The following PLCE1 variants were observed in gnomAD, a reference collection of about 807,000 sequenced individuals.
PLCE1 encodes the protein phospholipase C epsilon 1.
In PLCE1, 119 loss-of-function variants were observed where a neutral mutation model predicts 242.8. The observed-to-expected ratio is 0.49, with a 90% confidence interval of 0.42 to 0.57. The LOEUF is 0.57. PLCE1 is among the 20% of genes least tolerant of loss of function. The pLI, the probability that PLCE1 is intolerant of heterozygous loss-of-function variation, is 0.00. For missense variants in PLCE1, 2,441 were observed against 2,788.8 expected (o/e 0.88, Z 2.81); for synonymous variants, 945 against 1,017.4 (o/e 0.93, Z 1.35).
At chr10:94,310,357 T>A (rs914828099) in intron 27 of PLCE1, among the ~76,000 whole-genome samples, 5 of 152,122 alleles carry the variant, frequency 3.3e-5, no homozygotes, top group African/African-American at 1.2e-4. Flanking sequence ...CCTTCATCAC[T>A]CCACAGCAAC....
At position 94,143,964 on chromosome 10, in the gene PLCE1, T is replaced by A. The variant is rs1223633; in HGVS notation, c.1492+11505T>A. Among the ~76,000 whole-genome samples, 4 of 152,242 alleles carry A rather than the reference T, an allele frequency of 2.6e-5. No individual in the cohort carries two copies. The East Asian group carries it at 7.7e-4, about 29-fold the overall frequency. ...AAACACCCTGTGTGACAGTAGCGGG[T>A]ATTTTGCCCCTGTTTATACTCAGAG... is the stretch of plus-strand genomic sequence containing the variant. On this transcript the variant is annotated intron_variant, in intron 3 of 32. Coordinates refer to ENST00000371380, the MANE Select transcript of PLCE1 (RefSeq NM_016341.4).
intron 2 of PLCE1, among the ~76,000 whole-genome samples, chr10:94,076,517 G>A (rs2044506912): frequency 6.6e-6 from 1 of 152,098 alleles, no homozygotes; most frequent in Non-Finnish European, 1.5e-5. Flanking sequence ...GCTGTGCATG[G>A]TTGTCTTTTT....
At chr10:94,007,216 C>CT (rs750214620) in intron 1 of PLCE1, among the ~76,000 whole-genome samples, 1 of 151,568 alleles carries the variant, frequency 6.6e-6, no homozygotes, top group Non-Finnish European at 1.5e-5. Context: ...TGTGTTGGCT[C>CT]TACTGAAGAG....
chr10:94,059,623 G>A (rs2043994373), intron 2 of PLCE1, among the ~76,000 whole-genome samples: 2 of 152,188 alleles, frequency 1.3e-5, no homozygotes, highest in South Asian at 2.1e-4. Context: ...AAGCACATGG[G>A]AAGTGGGACT....
intron 2 of PLCE1, among the ~76,000 whole-genome samples, chr10:94,044,775 G>C (rs1055211574): frequency 5.9e-5 from 9 of 152,136 alleles, no homozygotes; most frequent in Non-Finnish European, 1.0e-4. Flanking sequence ...GAAGCACATG[G>C]AACAGAAGCA....
chr10:94,253,547 G>T (rs917273369), intron 9 of PLCE1, among the ~76,000 whole-genome samples: 5 of 152,022 alleles, frequency 3.3e-5, no homozygotes, highest in Middle Eastern at 3.2e-3. Flanking sequence ...TAGAGACAGG[G>T]TCTCACTATG....
intron 13 of PLCE1, among the ~76,000 whole-genome samples, chr10:94,261,787 T>A (rs768270109): frequency 6.6e-6 from 1 of 152,120 alleles, no homozygotes; most frequent in Non-Finnish European, 1.5e-5. Context: ...AAATTTATAT[T>A]CACATAAAAA....
At chr10:94,184,734 C>G (rs978165337) in intron 4 of PLCE1, among the ~76,000 whole-genome samples, 1 of 152,196 alleles carries the variant, frequency 6.6e-6, no homozygotes, top group African/African-American at 2.4e-5. Context: ...CTGTACATAG[C>G]CTCTGCAGTT....
chr10:94,322,716 C>G (rs1564897334), intron 30 of PLCE1, among the ~76,000 whole-genome samples: 1 of 151,774 alleles, frequency 6.6e-6, no homozygotes, highest in Non-Finnish European at 1.5e-5. Flanking sequence ...ACCCGGGAGG[C>G]AGAGGTTGCA....
At chr10:94,275,761 G>A (rs1254568684) in intron 19 of PLCE1, among the ~76,000 whole-genome samples, 1 of 152,070 alleles carries the variant, frequency 6.6e-6, no homozygotes, top group Non-Finnish European at 1.5e-5. Context: ...ACCTGAGCCT[G>A]GGAGGCCAAG....
At chr10:94,275,559 GC>G (rs1292338078) in intron 19 of PLCE1, among the ~76,000 whole-genome samples, 1 of 152,172 alleles carries the variant, frequency 6.6e-6, no homozygotes, top group African/African-American at 2.4e-5. Flanking sequence ...TTCTTGGCCA[GC>G]CGCTGTGGCT....
chr10:94,058,303 A>G (rs1208154823), intron 2 of PLCE1, among the ~76,000 whole-genome samples: 1 of 152,168 alleles, frequency 6.6e-6, no homozygotes, highest in Non-Finnish European at 1.5e-5. Flanking sequence ...ATCGCCTTTC[A>G]GGATTTTGCC....
intron 4 of PLCE1, 55 bp from the exon 5 acceptor site, chr10:94,227,251 A>T: frequency 1.3e-6 from 2 of 1,574,708 alleles, no homozygotes; most frequent in Admixed American, 3.3e-5. Flanking sequence ...TTGGAAAAAA[A>T]AATTGCCAAG....
Position 94,246,089 on chromosome 10 carries a change from C to G in PLCE1, c.2564C>G (p.Ala855Gly). The G allele has an allele frequency of 6.2e-7, 1 of 1,614,114 alleles. No homozygotes were observed. ...CCTTGGTACGTGCTGTCCATCCAAG[C>G]CGATGTGCACCAGTTCCTGCTGCAG... The part of the protein sequence containing the change: ...LIPWYVLSIQ[A>G]DVHQFLLQGA... Residue 855 changes from alanine to glycine, a missense_variant, in exon 8 of 33, where the codon GCC becomes GGC. Around this residue, in one of 5 missense-constraint regions of PLCE1, gnomAD observed 733 missense variants for 754.2 expected, o/e 0.97. Transcript: ENST00000371380.
intron 29 of PLCE1, among the ~76,000 whole-genome samples, chr10:94,319,860 T>TCAAAG (rs542683196): frequency 3.6e-5 from 5 of 137,942 alleles, no homozygotes; most frequent in South Asian, 2.3e-4. Flanking sequence ...GGCTCAAAGG[T>TCAAAG]GCTCTTTTTT....
intron 2 of PLCE1, among the ~76,000 whole-genome samples, chr10:94,046,002 A>G (rs940586657): frequency 2.6e-5 from 4 of 151,896 alleles, no homozygotes. Flanking sequence ...TAGTTGGTGC[A>G]TAGTTTCTCA....
chr10:94,057,819 T>C (rs1419611790), intron 2 of PLCE1, among the ~76,000 whole-genome samples: 1 of 152,182 alleles, frequency 6.6e-6, no homozygotes, highest in Non-Finnish European at 1.5e-5. Flanking sequence ...CAGCTGGGGT[T>C]GCAATTCTCA....
chr10:94,325,238 T>G (rs1235231157), intron 32 of PLCE1, 134 bp downstream of exon 32: 5 of 687,542 alleles, frequency 7.3e-6, no homozygotes, highest in Non-Finnish European at 1.3e-5. Flanking sequence ...GAATGGGACC[T>G]TAAAACAGGA....
rs540365725 is a variant in PLCE1 at position 94,093,745 on chromosome 10, C to T, written c.1207-38429C>T. Among the ~76,000 whole-genome samples the T allele has an allele frequency of 2.2e-3, 335 of 152,044 alleles. 2 individuals are homozygous for T. Among genetic ancestry groups the T allele is most frequent in the Non-Finnish European group, 4.0e-3 (272 of 68,008 alleles). ...TGTTCTCTGCTTTACTGCAGGTGGC[C>T]CTAGTTTTCTATCACTCATGACCTG... is the stretch of plus-strand genomic sequence containing the variant. On this transcript the variant is annotated intron_variant, in intron 2 of 32. Coordinates refer to ENST00000371380, the MANE Select transcript of PLCE1 (RefSeq NM_016341.4).
Sources: gnomAD v4.1 joint callset for allele counts (sites outside exome capture counted in the v4.1 genomes callset) on GRCh38, gnomAD v4.1.1 for gene constraint, gnomAD v4.1.1 regional missense constraint, MANE v1.5 for transcripts, NCBI Gene and HGNC (gene_info 2026-07-23, HGNC 2026-07-21) for gene names.